Variants in HDAC4 observed in about 807,000 individuals in gnomAD.
HDAC4 encodes the protein histone deacetylase 4, also known as histone deacetylase A.
In HDAC4, 16 loss-of-function variants were observed where a neutral mutation model predicts 135.1. The ratio of observed to expected loss-of-function variants is 0.12; its 90% CI spans 0.08 to 0.18. The LOEUF (loss-of-function observed/expected upper bound fraction) is 0.18, where lower values mean the gene tolerates loss of function less well. HDAC4 is among the 10% of genes least tolerant of loss of function. The pLI, the probability that HDAC4 is intolerant of heterozygous loss-of-function variation, is 1.00. For synonymous variants in HDAC4, 685 were observed against 653.4 expected (o/e 1.05, Z -0.74); for missense variants, 1,143 against 1,511.8 (o/e 0.76, Z 4.05).
At chr2:239,196,887 C>T (rs2045421780) in intron 3 of HDAC4, among the ~76,000 whole-genome samples, 3 of 152,192 alleles carry the variant, frequency 2.0e-5, no homozygotes. Context: ...GTTGCATCCT[C>T]AGGTTTAGGC....
intron 2 of HDAC4, among the ~76,000 whole-genome samples, chr2:239,275,603 C>T (rs374013220): frequency 1.3e-4 from 20 of 152,178 alleles, no homozygotes; most frequent in South Asian, 4.1e-4. Flanking sequence ...CAGCAGCCAC[C>T]GCCCCTGCCT....
intron 11 of HDAC4, among the ~76,000 whole-genome samples, chr2:239,132,055 C>T (rs1393842981): frequency 2.0e-5 from 3 of 152,062 alleles, no homozygotes; most frequent in Admixed American, 2.0e-4. Context: ...GGGGGAGGGC[C>T]CCTGAGACAC....
intron 2 of HDAC4, among the ~76,000 whole-genome samples, chr2:239,252,044 C>G (rs934410075): frequency 6.6e-6 from 1 of 152,210 alleles, no homozygotes; most frequent in Non-Finnish European, 1.5e-5. Context: ...GAGCCACCAC[C>G]AGGAGAAGCG....
chr2:239,115,423 G>A lies in HDAC4; in HGVS notation c.1534-113C>T. ...TCTGGGGCAGACAATCAGGGACTCAGGGCACCTTATCACCCTGCCACAGGC... is the reference window on the plus strand; with the variant it reads ...TCTGGGGCAGACAATCAGGGACTCAAGGCACCTTATCACCCTGCCACAGGC... On this transcript the variant is annotated intron_variant, in intron 12 of 26. Coordinates refer to ENST00000543185, the MANE Select transcript of HDAC4 (RefSeq NM_001378414.1). This position sits in a 1 kb window ranked among gnomAD's most constrained non-coding sequence, Gnocchi z 6.3. The A allele has an allele frequency of 2.2e-6, 3 of 1,352,930 alleles. No homozygotes were observed. Among genetic ancestry groups the A allele is most frequent in the Middle Eastern group, 2.0e-4 (1 of 5,074 alleles). 83.8% of individuals were successfully genotyped at this position (1,352,930 alleles called of 1,614,324 possible). A position where few individuals can be genotyped will look rare whatever the true frequency, so the allele number is the denominator to read the frequency against.
chr2:239,339,257 A>G (rs1056357289), intron 2 of HDAC4, among the ~76,000 whole-genome samples: 36 of 152,208 alleles, frequency 2.4e-4, no homozygotes, highest in African/African-American at 8.4e-4. Flanking sequence ...TCACTGTCCC[A>G]GTGAAGTCCT....
At chr2:239,278,327 T>TAAA (rs143003138) in intron 2 of HDAC4, among the ~76,000 whole-genome samples, 1 of 150,980 alleles carries the variant, frequency 6.6e-6, no homozygotes, top group African/African-American at 2.4e-5. Flanking sequence ...AGCATTTGTT[T>TAAA]AAAAAAAAAA....
rs142458013 is a variant in HDAC4, at chr2:239,119,643, G to A, written c.1534-4333C>T. Among the ~76,000 whole-genome samples the A allele has an allele frequency of 3.5e-3, 526 of 152,134 alleles. 5 individuals are homozygous for A. Among genetic ancestry groups the A allele is most frequent in the African/African-American group, 0.012 (483 of 41,486 alleles). ...GCTCAGAGCTCAGGGCTGAGGGTGC[G>A]GGGACCAGACCTAAGGGCTGAGGAC... On this transcript the variant is annotated intron_variant, in intron 12 of 26. Coordinates refer to ENST00000543185, the MANE Select transcript of HDAC4 (RefSeq NM_001378414.1).
At chr2:239,184,415 T>TCG (rs1553546109) in intron 4 of HDAC4, among the ~76,000 whole-genome samples, 14 of 125,460 alleles carry the variant, frequency 1.1e-4, no homozygotes, top group Middle Eastern at 7.0e-3. Flanking sequence ...CTGTGCCCTA[T>TCG]GGGGGGGTCC....
At chr2:239,157,410 C>T (rs1285674053) in intron 6 of HDAC4, among the ~76,000 whole-genome samples, 2 of 152,190 alleles carry the variant, frequency 1.3e-5, no homozygotes, top group Admixed American at 6.5e-5. Context: ...AGCTGACCTA[C>T]GAAAGGGACT....
chr2:239,094,650 A>G (rs1297502878), intron 17 of HDAC4: 5 of 1,174,040 alleles, frequency 4.3e-6, no homozygotes, highest in Non-Finnish European at 4.3e-6. Context: ...TACAGAATAC[A>G]GAAGCACGCA....
At chr2:239,100,038 T>C (rs1402218611) in intron 16 of HDAC4, among the ~76,000 whole-genome samples, 4 of 152,360 alleles carry the variant, frequency 2.6e-5, no homozygotes, top group South Asian at 2.1e-4. Flanking sequence ...AAAACTGGCA[T>C]GGCCGCAGGC....
At chr2:239,197,669 CT>C (rs1251384662) in intron 3 of HDAC4, among the ~76,000 whole-genome samples, 1 of 152,150 alleles carries the variant, frequency 6.6e-6, no homozygotes, top group Non-Finnish European at 1.5e-5. Flanking sequence ...ATATTCTAAC[CT>C]TTTAAATGAG....
At chr2:239,081,974 T>C (rs1287616888) in intron 21 of HDAC4, 128 bp downstream of exon 21, 4 of 949,416 alleles carry the variant, frequency 4.2e-6, no homozygotes, top group Non-Finnish European at 4.9e-6. Flanking sequence ...AGTTACTGTC[T>C]GGGCTTAAGT....
chr2:239,326,644 A>G (rs1295031604), intron 2 of HDAC4, among the ~76,000 whole-genome samples: 1 of 152,270 alleles, frequency 6.6e-6, no homozygotes, highest in Non-Finnish European at 1.5e-5. Context: ...TATTAAAAGA[A>G]TCAGGGATTG....
chr2:239,053,060 G>C lies in HDAC4; in HGVS notation c.*37C>G, dbSNP rs917854834. On this transcript the variant is annotated 3_prime_UTR_variant, in exon 27 of 27. Coordinates refer to ENST00000543185, the MANE Select transcript of HDAC4 (RefSeq NM_001378414.1). ...TTTCTTGGCTGAGCTTCAAGACAGA[G>C]ACAGACAGACAAGAGAACAGCAGCT... The C allele has an allele frequency of 6.2e-7, 1 of 1,611,806 alleles. No individual in the cohort carries two copies. Among genetic ancestry groups the C allele is most frequent in the South Asian group, 1.1e-5 (1 of 91,034 alleles).
chr2:239,341,882 C>T (rs1015519247), intron 2 of HDAC4, among the ~76,000 whole-genome samples: 8 of 152,136 alleles, frequency 5.3e-5, no homozygotes, highest in African/African-American at 1.9e-4. Flanking sequence ...AGAAGTGGGG[C>T]CTCTGGAGAG....
chr2:239,182,892 C>A (rs905172170), intron 4 of HDAC4, among the ~76,000 whole-genome samples: 1 of 152,174 alleles, frequency 6.6e-6, no homozygotes, highest in Non-Finnish European at 1.5e-5. Context: ...CCATGGGAAC[C>A]CTCAGTTGGC....
Position 239,121,522 on chromosome 2 carries a change from G to A in HDAC4, c.1533+4934C>T, listed in dbSNP as rs3791441. On this transcript the variant is annotated intron_variant, in intron 12 of 26. Coordinates refer to ENST00000543185, the MANE Select transcript of HDAC4 (RefSeq NM_001378414.1). ...GGATGGCCCTTCCCCGGCTGGCTGC[G>A]GATGGCGTGTGCTGCCAGGGGCCGC... Among the ~76,000 whole-genome samples, 10 of 152,214 alleles carry A rather than the reference G, an allele frequency of 6.6e-5. No individual in the cohort carries two copies. The East Asian group carries it at 1.2e-3, about 18-fold the overall frequency.
chr2:239,224,834 A>G (rs907274779), intron 3 of HDAC4, among the ~76,000 whole-genome samples: 3 of 152,214 alleles, frequency 2.0e-5, no homozygotes, highest in Non-Finnish European at 4.4e-5. Flanking sequence ...TCTCCTCCAC[A>G]GCGATTCTCG....
Sources: allele counts gnomAD v4.1 joint callset (sites outside exome capture counted in the v4.1 genomes callset), GRCh38; gene constraint gnomAD v4.1.1; non-coding constraint Gnocchi (gnomAD v3.1); transcripts MANE v1.5; gene names NCBI Gene and HGNC (gene_info 2026-07-23, HGNC 2026-07-21).